Variants in RCAN2 observed in about 807,000 individuals in gnomAD.
The protein encoded by RCAN2 is calcipressin-2.
In RCAN2, 9 loss-of-function variants were observed where a neutral mutation model predicts 23.6. The ratio of observed to expected loss-of-function variants is 0.38; its 90% CI spans 0.23 to 0.67. The LOEUF is 0.67. Among genes scored for constraint, RCAN2 ranks in the 30% least tolerant of loss-of-function variants. The probability of loss-of-function intolerance (pLI) is 0.51; values close to 1 mark genes in which losing one functional copy is unlikely to be tolerated. For missense variants in RCAN2, 273 were observed against 302.3 expected (o/e 0.90, Z 0.72); for synonymous variants, 109 against 115.7 (o/e 0.94, Z 0.37).
At chr6:46,408,506 A>T (rs1204565012) in intron 2 of RCAN2, among the ~76,000 whole-genome samples, 3 of 152,202 alleles carry the variant, frequency 2.0e-5, no homozygotes, top group Admixed American at 2.0e-4. Flanking sequence ...CAATATTCCC[A>T]GCATTGTTAC....
intron 2 of RCAN2, among the ~76,000 whole-genome samples, chr6:46,383,845 A>G (rs1765672695): frequency 6.6e-6 from 1 of 151,898 alleles, no homozygotes; most frequent in Non-Finnish European, 1.5e-5. Flanking sequence ...ATTGAATTCA[A>G]TTTTCTTAAC....
At chr6:46,266,780 T>A (rs1767344757) in intron 2 of RCAN2, among the ~76,000 whole-genome samples, 1 of 152,156 alleles carries the variant, frequency 6.6e-6, no homozygotes, top group South Asian at 2.1e-4. Flanking sequence ...GAAGGGACAC[T>A]GGAGGCGACT....
At chr6:46,456,215 C>T (rs192283772) in intron 2 of RCAN2, among the ~76,000 whole-genome samples, 59 of 152,330 alleles carry the variant, frequency 3.9e-4, no homozygotes, top group Middle Eastern at 3.4e-3. Flanking sequence ...ACAACACACA[C>T]ATGGCAATAC....
chr6:46,413,551 G>GT (rs1011655758), intron 2 of RCAN2, among the ~76,000 whole-genome samples: 2 of 152,114 alleles, frequency 1.3e-5, no homozygotes, highest in Non-Finnish European at 2.9e-5. Flanking sequence ...TGTATGTGAG[G>GT]TTTTTTATAA....
At chr6:46,230,271 C>T (rs6920872) in intron 4 of RCAN2, among the ~76,000 whole-genome samples, 8 of 152,142 alleles carry the variant, frequency 5.3e-5, no homozygotes, top group Non-Finnish European at 1.0e-4. Context: ...TCTCCAACTC[C>T]GTGCTTGGAG....
At chr6:46,397,867 T>G (rs1766141122) in intron 2 of RCAN2, among the ~76,000 whole-genome samples, 1 of 152,194 alleles carries the variant, frequency 6.6e-6, no homozygotes, top group African/African-American at 2.4e-5. Flanking sequence ...AAAAAATCTT[T>G]TAAATTTTGC....
intron 2 of RCAN2, among the ~76,000 whole-genome samples, chr6:46,249,859 T>C (rs1254885933): frequency 6.6e-6 from 1 of 152,012 alleles, no homozygotes; most frequent in African/African-American, 2.4e-5. Flanking sequence ...GAAGCAGAAA[T>C]AGTTTTCTCC....
intron 2 of RCAN2, among the ~76,000 whole-genome samples, chr6:46,310,682 T>C (rs921734615): frequency 2.0e-5 from 3 of 152,170 alleles, no homozygotes; most frequent in Non-Finnish European, 4.4e-5. Flanking sequence ...TGGCACAGTG[T>C]TGTACCAAAT....
intron 2 of RCAN2, among the ~76,000 whole-genome samples, chr6:46,262,969 C>T (rs1450348572): frequency 6.6e-6 from 1 of 152,226 alleles, no homozygotes; most frequent in African/African-American, 2.4e-5. Flanking sequence ...AGACATCCTT[C>T]TGCTGTGCTC....
intron 1 of RCAN2, among the ~76,000 whole-genome samples, chr6:46,463,594 A>G (rs1488848346): frequency 6.6e-6 from 1 of 152,204 alleles, no homozygotes; most frequent in African/African-American, 2.4e-5. Context: ...ATGATTGGAA[A>G]AAAATACATA....
chr6:46,386,444 CAA>C (rs112347117), intron 2 of RCAN2, among the ~76,000 whole-genome samples: 45 of 134,216 alleles, frequency 3.4e-4, no homozygotes, highest in African/African-American at 1.1e-3. Context: ...ACTAAAAATA[CAA>C]AAAAAAAAAA....
intron 2 of RCAN2, among the ~76,000 whole-genome samples, chr6:46,351,255 C>T (rs1342790127): frequency 1.3e-5 from 2 of 152,302 alleles, no homozygotes; most frequent in Non-Finnish European, 1.5e-5. Flanking sequence ...TGACAGAATC[C>T]TTCCAGCATT....
At chr6:46,233,973 C>T (rs1766000862) in intron 4 of RCAN2, among the ~76,000 whole-genome samples, 1 of 152,280 alleles carries the variant, frequency 6.6e-6, no homozygotes, top group South Asian at 2.1e-4. Flanking sequence ...AGGTAATCCA[C>T]CTGCCTCAGC....
At chr6:46,459,492 T>A (rs997273747) in intron 1 of RCAN2, among the ~76,000 whole-genome samples, 6 of 152,246 alleles carry the variant, frequency 3.9e-5, no homozygotes, top group Admixed American at 3.3e-4. Flanking sequence ...GCTGTAACAA[T>A]ATTATCTTCA....
At chr6:46,341,608 C>G (rs1017004966) in intron 2 of RCAN2, among the ~76,000 whole-genome samples, 1 of 151,968 alleles carries the variant, frequency 6.6e-6, no homozygotes, top group African/African-American at 2.4e-5. Flanking sequence ...ACCAGCCTGG[C>G]CAACATGGTG....
At chr6:46,290,486 C>T (rs751733352) in intron 2 of RCAN2, among the ~76,000 whole-genome samples, 4 of 152,140 alleles carry the variant, frequency 2.6e-5, no homozygotes, top group Admixed American at 6.5e-5. Flanking sequence ...TAAATGGAAG[C>T]CTGCAGCATT....
At chr6:46,252,526 G>A (rs930834944) in intron 2 of RCAN2, among the ~76,000 whole-genome samples, 1 of 152,152 alleles carries the variant, frequency 6.6e-6, no homozygotes, top group African/African-American at 2.4e-5. Flanking sequence ...TTTTGTAAAT[G>A]TGGGTTTTAT....
intron 2 of RCAN2, among the ~76,000 whole-genome samples, chr6:46,376,011 A>G (rs1765450035): frequency 6.6e-6 from 1 of 152,048 alleles, no homozygotes; most frequent in Admixed American, 6.5e-5. Context: ...GTTCCTTTCC[A>G]TTCTTCAATG....
intron 2 of RCAN2, among the ~76,000 whole-genome samples, chr6:46,453,298 C>T (rs951846526): frequency 1.3e-5 from 2 of 152,190 alleles, no homozygotes; most frequent in African/African-American, 4.8e-5. Flanking sequence ...CAGCAATCTG[C>T]ATTTATTGGT....
Sources: allele counts gnomAD v4.1 joint callset (sites outside exome capture counted in the v4.1 genomes callset), GRCh38; gene constraint gnomAD v4.1.1; transcripts MANE v1.5; gene names NCBI Gene and HGNC (gene_info 2026-07-23, HGNC 2026-07-21).